The following TM9SF1 variants were observed in gnomAD, a reference collection of about 807,000 sequenced individuals.
TM9SF1 encodes the protein transmembrane 9 superfamily member 1.
TM9SF1 carries 25 observed loss-of-function variants against 52.4 expected under a neutral mutation model. The ratio of observed to expected loss-of-function variants is 0.48; its 90% CI spans 0.35 to 0.67. The LOEUF (loss-of-function observed/expected upper bound fraction) is 0.67. TM9SF1 is among the 30% of genes least tolerant of loss of function. The pLI, the probability that TM9SF1 is intolerant of heterozygous loss-of-function variation, is 0.01. For synonymous variants in TM9SF1, 284 were observed against 299.8 expected (o/e 0.95, Z 0.55); for missense variants, 604 against 780.3 (o/e 0.77, Z 2.69).
intron 5 of TM9SF1, 155 bp from the exon 6 acceptor site, chr14:24,189,963 G>C (rs1488694530): frequency 7.2e-7 from 1 of 1,394,100 alleles, no homozygotes; most frequent in Non-Finnish European, 9.3e-7. Flanking sequence ...CTGGCTTCAT[G>C]GGGATTTTTT....
Position 24,192,426 on chromosome 14 carries a change from A to C in TM9SF1, c.968-70T>G, listed in dbSNP as rs2039335535. 4.6e-6 allele frequency: 7 copies of C among 1,535,956 alleles called. No homozygotes were observed. The highest frequency in any genetic ancestry group is 1.9e-5 in the Admixed American group (1 of 52,810). ...CTCTTCTAGCAATTTCAGAGGAATC[A>C]GCCCCCCTTCTCCCAGACCCAGGGC... is the stretch of plus-strand genomic sequence containing the variant. On this transcript the variant is annotated intron_variant, in intron 3 of 5. Coordinates refer to ENST00000261789, the MANE Select transcript of TM9SF1 (RefSeq NM_006405.7). The surrounding 1 kb of genome is among the most constrained non-coding windows in gnomAD (Gnocchi z 4.0).
chr14:24,194,610 A>T, intron 2 of TM9SF1, 65 bp downstream of exon 2: 1 of 1,430,128 alleles, frequency 7.0e-7, no homozygotes, highest in South Asian at 1.2e-5. Flanking sequence ...CCTGAACCAT[A>T]AATGTAAGGC....
Position 24,189,770 on chromosome 14 carries a change from A to G in TM9SF1, c.1466T>C (p.Val489Ala), listed in dbSNP as rs761561426. The change falls in exon 6 of 6, where the codon GTA becomes GCA. Residue 489 changes from valine to alanine, a missense_variant. Transcript: ENST00000261789. ...CAAAGTGTACTGCTCCCGACCCCATACTGTGGCAAAGATGTAGTACAGCTC... is the reference window on the plus strand; with the variant it reads ...CAAAGTGTACTGCTCCCGACCCCATGCTGTGGCAAAGATGTAGTACAGCTC... ...SVELYYIFAT[V>A]WGREQYTLYG... 1.5e-5 allele frequency: 25 copies of G among 1,613,764 alleles called. No individual in the cohort carries two copies. Among genetic ancestry groups the G allele is most frequent in the Non-Finnish European group, 2.0e-5 (24 of 1,179,886 alleles).
At position 24,192,846 on chromosome 14, in the gene TM9SF1, G is replaced by C. The variant is rs2039343150; in HGVS notation, c.769C>G (p.Leu257Val). ...AGGTCATTCCGAAGCACACGCATTAGAATGACAGCCACAAAACCCACCAGT... is the reference window on the plus strand; with the variant it reads ...AGGTCATTCCGAAGCACACGCATTACAATGACAGCCACAAAACCCACCAGT... ...FLLVGFVAVI[L>V]MRVLRNDLAR... The change falls in exon 3 of 6, where the codon CTA becomes GTA. Residue 257 changes from leucine to valine, a missense_variant. By Grantham distance (32) the Leu-to-Val change is conservative (BLOSUM62 1). Transcript: ENST00000261789. The surrounding 1 kb of genome is among the most constrained non-coding windows in gnomAD (Gnocchi z 4.0). 1.2e-6 allele frequency: 2 copies of C among 1,613,552 alleles called. No individual in the cohort carries two copies. The highest frequency in any genetic ancestry group is 1.7e-6 in the Non-Finnish European group (2 of 1,179,704).
At position 24,194,868 on chromosome 14, in the gene TM9SF1, G is replaced by GGATTGTTGACATACAGAATAT; in HGVS notation, c.151_152insATATTCTGTATGTCAACAATC (p.Gly50_Pro51insHisIleLeuTyrValAsnAsn). On this transcript the variant is annotated inframe_insertion, in exon 2 of 6. Coordinates refer to ENST00000261789, the MANE Select transcript of TM9SF1 (RefSeq NM_006405.7). Reference sequence around the variant, plus strand: ...GTAAGTTTCCTGAGGGTTATGGTAGGGTCCCACTTTGTTGACATACAGAAT... The same window carrying GGATTGTTGACATACAGAATAT: ...GTAAGTTTCCTGAGGGTTATGGTAGGGATTGTTGACATACAGAATATGTCCCACTTTGTTGACATACAGAAT... The GGATTGTTGACATACAGAATAT allele has an allele frequency of 6.2e-7, 1 of 1,614,222 alleles. No homozygotes were observed. Among genetic ancestry groups the GGATTGTTGACATACAGAATAT allele is most frequent in the Non-Finnish European group, 8.5e-7 (1 of 1,180,052 alleles).
chr14:24,189,977 T>G, intron 5 of TM9SF1, 169 bp from the exon 6 acceptor site: 2 of 1,394,842 alleles, frequency 1.4e-6, no homozygotes, highest in Non-Finnish European at 1.9e-6. Context: ...ATTTTTTGCC[T>G]ATGATTAGCC....
Position 24,192,689 on chromosome 14 carries a change from G to A in TM9SF1, c.926C>T (p.Ala309Val). ...GAACTGGGCACCCACGCCAAGCACAGCACAGAGCAGACCACGGTATGGGGG... is the reference window on the plus strand; with the variant it reads ...GAACTGGGCACCCACGCCAAGCACAACACAGAGCAGACCACGGTATGGGGG... ...RFPPYRGLLC[A>V]VLGVGAQFLA... Residue 309 changes from alanine (A) to valine (V), a missense_variant, in exon 3 of 6, where the codon GCT becomes GTT. Ala to Val is a moderately conservative substitution (Grantham distance 64). Around this residue, in one of 3 missense-constraint regions of TM9SF1, gnomAD observed 450 missense variants for 560.1 expected, o/e 0.80. Coordinates refer to ENST00000261789, the MANE Select transcript of TM9SF1 (RefSeq NM_006405.7). The surrounding 1 kb of genome is among the most constrained non-coding windows in gnomAD (Gnocchi z 4.0). 1 of 1,604,384 alleles carries A rather than the reference G, an allele frequency of 6.2e-7. No homozygotes were observed. The highest frequency in any genetic ancestry group is 8.5e-7 in the Non-Finnish European group (1 of 1,174,662).
Position 24,195,299 on chromosome 14 carries a change from G to C in TM9SF1, c.-18+47C>G, listed in dbSNP as rs2234101. 999 of 433,282 alleles carry C rather than the reference G, an allele frequency of 2.3e-3. 4 individuals carry two copies. Among genetic ancestry groups the C allele is most frequent in the African/African-American group, 0.019 (938 of 50,426 alleles). 26.8% of individuals were successfully genotyped at this position (433,282 alleles called of 1,614,324 possible). A position where few individuals can be genotyped will look rare whatever the true frequency, so the allele number is the denominator to read the frequency against. On this transcript the variant is annotated intron_variant, in intron 1 of 5. Coordinates refer to ENST00000261789, the MANE Select transcript of TM9SF1 (RefSeq NM_006405.7). ...GCCCGTTTCCATGGCAACGCCGCTC[G>C]GTCTCGCACCTCGGGTCCCTTCCCG...
In TM9SF1 at chr14:24,189,369, G is replaced by A. The variant is rs764929778; in HGVS notation, c.*46C>T. 1.9e-6 allele frequency: 3 copies of A among 1,555,828 alleles called. No individual in the cohort carries two copies. Among genetic ancestry groups the A allele is most frequent in the Admixed American group, 1.9e-5 (1 of 52,980 alleles). On this transcript the variant is annotated 3_prime_UTR_variant, in exon 6 of 6. Coordinates refer to ENST00000261789, the MANE Select transcript of TM9SF1 (RefSeq NM_006405.7). The stretch of plus-strand genomic sequence containing the variant: ...AGAAGCTGGTAGGAGAGTTCAACAG[G>A]GCATGAAGAAAGGGAGAGAACAGCA...
Position 24,192,929 on chromosome 14 carries a change from G to T in TM9SF1, c.686C>A (p.Pro229His), listed in dbSNP as rs1219373687. ...RRRGDDGGFFPRTLEIHWLSI... is the reference protein window; with the variant it reads ...RRRGDDGGFFHRTLEIHWLSI... ...CAACCAATGGATTTCCAGTGTTCGA[G>T]GAAAGAAACCACCATCGTCACCACG... The change falls in exon 3 of 6, where the codon CCT (proline) becomes CAT (histidine). Residue 229 changes from proline to histidine, a missense_variant. By Grantham distance (77) the Pro-to-His change is moderately conservative (BLOSUM62 -2). Around this residue, in one of 3 missense-constraint regions of TM9SF1, gnomAD observed 450 missense variants for 560.1 expected, o/e 0.80. Transcript: ENST00000261789. The surrounding 1 kb of genome is among the most constrained non-coding windows in gnomAD (Gnocchi z 4.0). The T allele has an allele frequency of 6.2e-7, 1 of 1,614,122 alleles. No homozygotes were observed.
In TM9SF1 at chr14:24,192,989, G is replaced by A; in HGVS notation, c.626C>T (p.Ser209Phe). 4 of 1,614,186 alleles carry A rather than the reference G, an allele frequency of 2.5e-6. No homozygotes were observed. Among genetic ancestry groups the A allele is most frequent in the Non-Finnish European group, 2.5e-6 (3 of 1,180,018 alleles). ...ACTCCGACGCTCCACTGAAGTCTCA[G>A]ACCAGCGCACGCTATAAGTGTGGGT... ...GLTHTYSVRW[S>F]ETSVERRSDR... The change falls in exon 3 of 6, where the codon TCT (serine) becomes TTT (phenylalanine). Residue 209 changes from serine to phenylalanine, a missense_variant. This residue lies in a region of TM9SF1 where 450 missense variants were observed against 560.1 expected (regional missense o/e 0.80). Coordinates refer to ENST00000261789, the MANE Select transcript of TM9SF1 (RefSeq NM_006405.7). The surrounding 1 kb of genome is among the most constrained non-coding windows in gnomAD (Gnocchi z 4.0).
At chr14:24,190,962 T>C (rs1297273649) in intron 4 of TM9SF1, among the ~76,000 whole-genome samples, 8 of 143,936 alleles carry the variant, frequency 5.6e-5, no homozygotes, top group African/African-American at 1.8e-4. Context: ...CCCAGGTTCA[T>C]GCCATTCTCC....
intron 4 of TM9SF1, among the ~76,000 whole-genome samples, chr14:24,190,901 G>A (rs3742502): frequency 0.067 from 7,952 of 119,218 alleles, 451 homozygotes; most frequent in East Asian, 0.4. Flanking sequence ...TCGCTCTGTC[G>A]CCCAGGCTGG....
At chr14:24,195,215 A>T (rs2039379799) in intron 1 of TM9SF1, 131 bp downstream of exon 1, 1 of 583,054 alleles carries the variant, frequency 1.7e-6, no homozygotes, top group African/African-American at 1.9e-5. Flanking sequence ...TCATCCTCCC[A>T]ACCTGGGGTT....
At chr14:24,195,124 A>C (rs1259108237) in intron 1 of TM9SF1, 88 bp from the exon 2 acceptor site, 1 of 892,478 alleles carries the variant, frequency 1.1e-6, no homozygotes, top group South Asian at 1.6e-5. Flanking sequence ...CCCTGGCTCC[A>C]CTTGCTCCCA....
chr14:24,189,560 T>C lies in TM9SF1; in HGVS notation c.1676A>G (p.Asn559Ser), dbSNP rs760061958. ...TACTGTCTGTACTGCCCCAGACATG[T>C]TGGAGCGCCGGGCATAATAGAAAAC... ...YSVFYYARRSNMSGAVQTVEF... is the reference protein window; with the variant it reads ...YSVFYYARRSSMSGAVQTVEF... Residue 559 changes from asparagine (N) to serine (S), a missense_variant, in exon 6 of 6, where the codon AAC (asparagine) becomes AGC (serine). Asn to Ser is a conservative substitution (Grantham distance 46). This residue lies in a region of TM9SF1 where 107 missense variants were observed against 180.5 expected (regional missense o/e 0.59). Coordinates refer to ENST00000261789, the MANE Select transcript of TM9SF1 (RefSeq NM_006405.7). The C allele has an allele frequency of 1.2e-6, 2 of 1,614,056 alleles. No individual in the cohort carries two copies. The highest frequency in any genetic ancestry group is 1.7e-5 in the Admixed American group (1 of 60,020).
rs1197879955 is a variant in TM9SF1 at position 24,189,537 on chromosome 14, C to T, written c.1699G>A (p.Val567Ile). The T allele has an allele frequency of 6.2e-7, 1 of 1,614,080 alleles. No individual in the cohort carries two copies. The highest frequency in any genetic ancestry group is 1.3e-5 in the African/African-American group (1 of 74,914). The stretch of plus-strand genomic sequence containing the variant: ...AGTAAGGAGTAGCCGAAGAACTCTA[C>T]TGTCTGTACTGCCCCAGACATGTTG... ...RSNMSGAVQT[V>I]EFFGYSLLTG... The change falls in exon 6 of 6, where the codon GTA becomes ATA. Residue 567 changes from valine to isoleucine, a missense_variant. Physicochemically the swap from Val to Ile is conservative, Grantham distance 29. Transcript: ENST00000261789.
chr14:24,189,225 CA>C lies in TM9SF1; in HGVS notation c.*189del. On this transcript the variant is annotated 3_prime_UTR_variant, in exon 6 of 6. Coordinates refer to ENST00000261789, the MANE Select transcript of TM9SF1 (RefSeq NM_006405.7). ...AAAACTAAAGGCAACTTAAAAAGTT[CA>C]AATATATAATCCTTATGTGATAGAG... The C allele has an allele frequency of 5.4e-6, 3 of 560,426 alleles. No individual in the cohort carries two copies. The highest frequency in any genetic ancestry group is 6.0e-6 in the Non-Finnish European group (2 of 335,790). The allele number at this position is 560,426 out of a possible 1,614,324, so 34.7% of individuals were successfully genotyped here.
chr14:24,189,850 C>A, intron 5 of TM9SF1, 42 bp from the exon 6 acceptor site: 1 of 1,538,906 alleles, frequency 6.5e-7, no homozygotes, highest in Non-Finnish European at 8.8e-7. Context: ...AAGGGCTGTG[C>A]ACCATCAGCA....
Sources: allele counts gnomAD v4.1 joint callset (sites outside exome capture counted in the v4.1 genomes callset), GRCh38; gene constraint gnomAD v4.1.1; regional missense constraint gnomAD v4.1.1; non-coding constraint Gnocchi (gnomAD v3.1); transcripts MANE v1.5; gene names NCBI Gene and HGNC (gene_info 2026-07-23, HGNC 2026-07-21).